The following SCFD1 variants were observed in gnomAD, a reference collection of about 807,000 sequenced individuals.
SCFD1 encodes sec1 family domain-containing protein 1.
SCFD1 carries 37 observed loss-of-function variants against 103.2 expected under a neutral mutation model. The observed-to-expected ratio is 0.36, with a 90% CI of 0.28 to 0.47. SCFD1 has a LOEUF of 0.47. Among genes scored for constraint, SCFD1 ranks in the 20% least tolerant of loss-of-function variants. SCFD1 has a pLI of 1.00. For synonymous variants in SCFD1, 264 were observed against 245.0 expected (o/e 1.08, Z -0.73); for missense variants, 639 against 761.2 (o/e 0.84, Z 1.89).
In SCFD1 at chr14:30,638,068, A is replaced by G. The variant is rs1257337071; in HGVS notation, c.313-57A>G. On this transcript the variant is annotated intron_variant, in intron 4 of 24. Coordinates refer to ENST00000458591, the MANE Select transcript of SCFD1 (RefSeq NM_016106.4). ...AACTTTGCCTTATAGTAGTTGAAAC[A>G]TATGTATTCATGGTCTTCTTTATCC... 7 of 1,477,044 alleles carry G rather than the reference A, an allele frequency of 4.7e-6. No individual in the cohort carries two copies. In the East Asian group the frequency reaches 9.8e-5, roughly 21 times the overall value. The allele number at this position is 1,477,044 out of a possible 1,614,324, so 91.5% of individuals were successfully genotyped here.
chr14:30,694,951 ATTG>A (rs1890591378), intron 15 of SCFD1, 82 bp downstream of exon 15: 9 of 1,522,598 alleles, frequency 5.9e-6, no homozygotes, highest in African/African-American at 4.3e-5. Context: ...TTTGAATAGA[ATTG>A]TTGTTTTTCT....
Position 30,722,534 on chromosome 14 carries a change from A to G in SCFD1, c.1811A>G (p.Tyr604Cys). 4 of 1,604,252 alleles carry G rather than the reference A, an allele frequency of 2.5e-6. No individual in the cohort carries two copies. Among genetic ancestry groups the G allele is most frequent in the Non-Finnish European group, 2.6e-6 (3 of 1,174,680 alleles). The part of the protein sequence containing the change: ...FVVGGGNYIE[Y>C]QNLVDYIKGK... ...GTGGGAGGAGGCAACTACATTGAATATCAGAATCTTGTTGACTACATAAAG... is the reference window on the plus strand; with the variant it reads ...GTGGGAGGAGGCAACTACATTGAATGTCAGAATCTTGTTGACTACATAAAG... The change falls in exon 23 of 25, where the codon TAT becomes TGT. Residue 604 changes from tyrosine to cysteine, a missense_variant. Coordinates refer to ENST00000458591, the MANE Select transcript of SCFD1 (RefSeq NM_016106.4).
chr14:30,721,962 A>G lies in SCFD1; in HGVS notation c.1770+45A>G, dbSNP rs114772268. On this transcript the variant is annotated intron_variant, in intron 22 of 24. Coordinates refer to ENST00000458591, the MANE Select transcript of SCFD1 (RefSeq NM_016106.4). ...TCTCTGTTCCTAGAAAGGGAAGATG[A>G]AAGGTGACCAATCTTGAAGACTGTC... The G allele has an allele frequency of 2.0e-4, 275 of 1,386,766 alleles. No individual in the cohort carries two copies. The African/African-American group carries it at 3.4e-3, about 17-fold the overall frequency. The allele number at this position is 1,386,766 out of a possible 1,614,324, so 85.9% of individuals were successfully genotyped here.
intron 24 of SCFD1, 31 bp from the exon 25 acceptor site, chr14:30,735,554 AG>A (rs758568115): frequency 6.7e-7 from 1 of 1,486,600 alleles, no homozygotes; most frequent in East Asian, 2.3e-5. Flanking sequence ...CTTTTTTAAA[AG>A]TTTTATGTAT....
chr14:30,683,530 G>C (rs998918757), intron 14 of SCFD1: 11 of 295,254 alleles, frequency 3.7e-5, no homozygotes, highest in Middle Eastern at 1.0e-3. Context: ...CGGCACCCCA[G>C]CTTGGCTCTG....
chr14:30,725,764 G>C (rs1893000470), intron 23 of SCFD1, among the ~76,000 whole-genome samples: 1 of 152,124 alleles, frequency 6.6e-6, no homozygotes, highest in Non-Finnish European at 1.5e-5. Flanking sequence ...TCTTGTGCCA[G>C]TTTTCAAGTG....
intron 3 of SCFD1, among the ~76,000 whole-genome samples, chr14:30,631,984 G>A (rs1009567581): frequency 1.4e-5 from 2 of 144,204 alleles, no homozygotes; most frequent in Middle Eastern, 3.4e-3. Context: ...GGAGGCAGAG[G>A]TTGTAGTGAA....
At chr14:30,653,241 C>T (rs1219655868) in intron 9 of SCFD1, among the ~76,000 whole-genome samples, 2 of 152,098 alleles carry the variant, frequency 1.3e-5, no homozygotes, top group Admixed American at 6.5e-5. Context: ...TTCAAGGCTG[C>T]AGTTAGCTAT....
rs370252815 is a variant in SCFD1, at chr14:30,638,265, G to T, written c.435+18G>T. ...TAGCCAAGGTAAGAGAGTTTGGTGG[G>T]TTGATGACATTTTGTCAATGTAAAA... On this transcript the variant is annotated intron_variant, in intron 5 of 24. Coordinates refer to ENST00000458591, the MANE Select transcript of SCFD1 (RefSeq NM_016106.4). 9.2e-5 allele frequency: 149 copies of T among 1,612,646 alleles called. No homozygotes were observed. Among genetic ancestry groups the T allele is most frequent in the Non-Finnish European group, 1.2e-4 (144 of 1,179,170 alleles).
At chr14:30,644,026 C>A (rs1411152246) in intron 7 of SCFD1, 1 of 455,558 alleles carries the variant, frequency 2.2e-6, no homozygotes, top group African/African-American at 2.0e-5. Flanking sequence ...CAGGTAGACC[C>A]CAATATCTAT....
chr14:30,641,469 C>CTTCCATGTA (rs1399981401), intron 6 of SCFD1, among the ~76,000 whole-genome samples: 2 of 152,120 alleles, frequency 1.3e-5, no homozygotes, highest in Non-Finnish European at 2.9e-5. Flanking sequence ...GGGCTGGATG[C>CTTCCATGTA]TTCCATGTAG....
At chr14:30,708,746 CAA>C (rs34355953) in intron 19 of SCFD1, among the ~76,000 whole-genome samples, 5,507 of 152,132 alleles carry the variant, frequency 0.036, 316 homozygotes, top group African/African-American at 0.12. Flanking sequence ...TTGGACTAAA[CAA>C]AATATTTTAA....
At chr14:30,638,915 T>G (rs865783582) in intron 5 of SCFD1, among the ~76,000 whole-genome samples, 3 of 152,224 alleles carry the variant, frequency 2.0e-5, no homozygotes, top group Non-Finnish European at 4.4e-5. Context: ...ACCATGCATA[T>G]ACTTTCTATT....
chr14:30,634,686 C>T lies in SCFD1; in HGVS notation c.312+649C>T, dbSNP rs1430347642. ...TAAGGGTGAGATTAGGAAGTCCACACTGGTGCAGAAGTACTATAAGGTAAT... is the reference window on the plus strand; with the variant it reads ...TAAGGGTGAGATTAGGAAGTCCACATTGGTGCAGAAGTACTATAAGGTAAT... On this transcript the variant is annotated intron_variant, in intron 4 of 24. Coordinates refer to ENST00000458591, the MANE Select transcript of SCFD1 (RefSeq NM_016106.4). 4 of 393,304 alleles carry T rather than the reference C, an allele frequency of 1.0e-5. No homozygotes were observed. The Admixed American group carries it at 1.4e-4, about 13-fold the overall frequency. 24.4% of individuals were successfully genotyped at this position (393,304 alleles called of 1,614,324 possible).
At position 30,622,458 on chromosome 14, in the gene SCFD1, C is replaced by G. The variant is rs929618806; in HGVS notation, c.61+59C>G. The G allele has an allele frequency of 2.1e-5, 32 of 1,542,954 alleles. 1 individual carries two copies. In the South Asian group the frequency reaches 3.7e-4, roughly 18 times the overall value. On this transcript the variant is annotated intron_variant, in intron 1 of 24. Coordinates refer to ENST00000458591, the MANE Select transcript of SCFD1 (RefSeq NM_016106.4). ...TGACTGCCCCGACGACATCCTTCTC[C>G]TCTGGTGCGTGCAGCTCAGAGACCG... is the stretch of plus-strand genomic sequence containing the variant.
intron 10 of SCFD1, among the ~76,000 whole-genome samples, chr14:30,664,855 A>G (rs1887791028): frequency 6.6e-6 from 1 of 152,214 alleles, no homozygotes; most frequent in South Asian, 2.1e-4. Context: ...AAAAAAGAGT[A>G]AAAAGAAATG....
At chr14:30,641,788 T>G (rs1330843875) in intron 6 of SCFD1, among the ~76,000 whole-genome samples, 1 of 152,222 alleles carries the variant, frequency 6.6e-6, no homozygotes, top group Non-Finnish European at 1.5e-5. Flanking sequence ...TACTTGGAGA[T>G]ATCCAGTTGA....
intron 14 of SCFD1, chr14:30,683,242 T>G (rs1889637499): frequency 9.2e-7 from 1 of 1,091,914 alleles, no homozygotes; most frequent in Admixed American, 2.2e-5. Context: ...AGACCACTTG[T>G]CCTTCAGGAT....
chr14:30,663,753 C>T (rs1466811571), intron 10 of SCFD1, among the ~76,000 whole-genome samples: 2 of 152,200 alleles, frequency 1.3e-5, no homozygotes, highest in African/African-American at 2.4e-5. Flanking sequence ...AAAGCACTGC[C>T]TCTGAAGTCA....
Sources: gnomAD v4.1 joint callset for allele counts (sites outside exome capture counted in the v4.1 genomes callset) on GRCh38, gnomAD v4.1.1 for gene constraint, MANE v1.5 for transcripts, NCBI Gene and HGNC (gene_info 2026-07-23, HGNC 2026-07-21) for gene names.